PITPNC1: variants seen among roughly 807,000 people sequenced by gnomAD.
PITPNC1 encodes phosphatidylinositol transfer protein cytoplasmic 1, also known as cytoplasmic phosphatidylinositol transfer protein 1.
A neutral mutation model predicts 44.7 loss-of-function variants in PITPNC1; 18 were observed. The observed-to-expected ratio is 0.40, with a 90% CI of 0.28 to 0.60. The LOEUF (loss-of-function observed/expected upper bound fraction) is 0.60. Among genes scored for constraint, PITPNC1 ranks in the 20% least tolerant of loss-of-function variants. PITPNC1 has a pLI of 0.39. For missense variants in PITPNC1, 290 were observed against 418.4 expected (o/e 0.69, Z 2.68); for synonymous variants, 141 against 149.6 (o/e 0.94, Z 0.42).
intron 5 of PITPNC1, among the ~76,000 whole-genome samples, chr17:67,583,865 TTGTGTGTGTG>T (rs771258752): frequency 6.8e-5 from 8 of 118,448 alleles, no homozygotes; most frequent in African/African-American, 1.3e-4. Context: ...CTGGCTAATT[TTGTGTGTGTG>T]TGTGTGTGTG....
intron 1 of PITPNC1, among the ~76,000 whole-genome samples, chr17:67,431,950 G>C (rs540219182): frequency 6.6e-6 from 1 of 152,078 alleles, no homozygotes; most frequent in Non-Finnish European, 1.5e-5. Flanking sequence ...CACCCAGCAC[G>C]GACCACAGCC....
At chr17:67,389,133 C>T (rs1316416186) in intron 1 of PITPNC1, among the ~76,000 whole-genome samples, 2 of 152,220 alleles carry the variant, frequency 1.3e-5, no homozygotes, top group African/African-American at 4.8e-5. Context: ...GAATGCAGTT[C>T]CTTACTGCAT....
At chr17:67,460,740 CTTTTTTTTT>C (rs138545288) in intron 1 of PITPNC1, among the ~76,000 whole-genome samples, 2,068 of 121,554 alleles carry the variant, frequency 0.017, 75 homozygotes, top group African/African-American at 0.065. Context: ...TTCTTTCTTT[CTTTTTTTTT>C]TTTTTTTTTT....
chr17:67,505,388 T>C (rs951028008), intron 1 of PITPNC1, among the ~76,000 whole-genome samples: 10 of 152,230 alleles, frequency 6.6e-5, no homozygotes, highest in Non-Finnish European at 1.0e-4. Context: ...TTTTGCTTTA[T>C]GTATTTCAGG....
rs2042956028 is a variant in PITPNC1 at position 67,692,929 on chromosome 17, T to C, written c.*41T>C. 7.8e-7 allele frequency: 1 copy of C among 1,282,246 alleles called. No individual in the cohort carries two copies. Among genetic ancestry groups the C allele is most frequent in the African/African-American group, 1.5e-5 (1 of 66,356 alleles). The allele number at this position is 1,282,246 out of a possible 1,614,324, so 79.4% of individuals were successfully genotyped here. ...TCATGGGGTTTTATATTTTCATTTGTTGTTGTTGTTTTTTTTTAAGAATCT... is the reference window on the plus strand; with the variant it reads ...TCATGGGGTTTTATATTTTCATTTGCTGTTGTTGTTTTTTTTTAAGAATCT... On this transcript the variant is annotated 3_prime_UTR_variant, in exon 9 of 9. Transcript: ENST00000581322.
chr17:67,553,705 T>G, intron 4 of PITPNC1, 88 bp downstream of exon 4: 1 of 502,272 alleles, frequency 2.0e-6, no homozygotes, highest in Non-Finnish European at 3.5e-6. Context: ...CTTATCAATG[T>G]AATAATTAAA....
chr17:67,435,714 T>C (rs1443877008), intron 1 of PITPNC1, among the ~76,000 whole-genome samples: 2 of 152,132 alleles, frequency 1.3e-5, no homozygotes, highest in Non-Finnish European at 2.9e-5. Flanking sequence ...TAGGCAGGTG[T>C]GGTGGTGCAC....
chr17:67,575,207 C>T (rs1197031035), intron 4 of PITPNC1, among the ~76,000 whole-genome samples: 1 of 151,690 alleles, frequency 6.6e-6, no homozygotes, highest in Non-Finnish European at 1.5e-5. Flanking sequence ...AAAGGCTTGT[C>T]GTGTCTAAGA....
At chr17:67,598,370 G>T (rs888689075) in intron 5 of PITPNC1, among the ~76,000 whole-genome samples, 5 of 152,232 alleles carry the variant, frequency 3.3e-5, no homozygotes, top group Admixed American at 2.6e-4. Flanking sequence ...ATGGGTGTTC[G>T]TGCTACCAAC....
At chr17:67,577,207 G>A (rs1198002169) in intron 4 of PITPNC1, among the ~76,000 whole-genome samples, 1 of 152,132 alleles carries the variant, frequency 6.6e-6, no homozygotes, top group Non-Finnish European at 1.5e-5. Flanking sequence ...TGGGAGGATC[G>A]CTTGAGCCCA....
intron 1 of PITPNC1, among the ~76,000 whole-genome samples, chr17:67,402,674 G>C (rs1015622649): frequency 6.6e-6 from 1 of 152,138 alleles, no homozygotes; most frequent in Non-Finnish European, 1.5e-5. Context: ...TTGTTTGTTT[G>C]TTTGTTTTTT....
chr17:67,479,945 G>T (rs529995676), intron 1 of PITPNC1, among the ~76,000 whole-genome samples: 11 of 152,308 alleles, frequency 7.2e-5, no homozygotes, highest in African/African-American at 2.4e-4. Context: ...ACAGATGTCA[G>T]CGGATTCAAA....
chr17:67,514,338 TA>T (rs1258735492), intron 1 of PITPNC1, among the ~76,000 whole-genome samples: 10 of 151,992 alleles, frequency 6.6e-5, no homozygotes, highest in Admixed American at 3.3e-4. Flanking sequence ...TAGCTGAGAT[TA>T]CCGGCACCCA....
At chr17:67,430,339 C>T (rs1026647205) in intron 1 of PITPNC1, among the ~76,000 whole-genome samples, 2 of 151,464 alleles carry the variant, frequency 1.3e-5, no homozygotes, top group Non-Finnish European at 2.9e-5. Flanking sequence ...ATCCCTGTCT[C>T]TACTAAGACA....
intron 6 of PITPNC1, among the ~76,000 whole-genome samples, chr17:67,646,599 C>T (rs1263412328): frequency 2.0e-5 from 3 of 152,122 alleles, no homozygotes; most frequent in South Asian, 2.1e-4. Context: ...CACGGCTCAC[C>T]GCAACCTCCA....
intron 1 of PITPNC1, among the ~76,000 whole-genome samples, chr17:67,430,474 C>T (rs1353603241): frequency 6.9e-6 from 1 of 144,502 alleles, no homozygotes; most frequent in Admixed American, 6.9e-5. Context: ...TGTGACAGAA[C>T]AAGACTCTGT....
intron 1 of PITPNC1, among the ~76,000 whole-genome samples, chr17:67,458,999 T>G (rs1489335090): frequency 2.0e-5 from 3 of 152,008 alleles, no homozygotes; most frequent in African/African-American, 7.2e-5. Context: ...GAACACAAAA[T>G]TGTTCTCCTA....
intron 1 of PITPNC1, among the ~76,000 whole-genome samples, chr17:67,398,199 A>G (rs564644961): frequency 6.6e-6 from 1 of 152,314 alleles, no homozygotes; most frequent in East Asian, 1.9e-4. Context: ...CATGAATTTT[A>G]AATCATTGTA....
chr17:67,454,933 C>A (rs912240230), intron 1 of PITPNC1, among the ~76,000 whole-genome samples: 6 of 151,784 alleles, frequency 4.0e-5, no homozygotes, highest in Middle Eastern at 6.8e-3. Context: ...AATCCTCCCA[C>A]TTCAGCCCCC....
Sources: gnomAD v4.1 joint callset for allele counts (sites outside exome capture counted in the v4.1 genomes callset) on GRCh38, gnomAD v4.1.1 for gene constraint, MANE v1.5 for transcripts, NCBI Gene and HGNC (gene_info 2026-07-23, HGNC 2026-07-21) for gene names.